The following RBM19 variants were observed in gnomAD, a reference collection of about 807,000 sequenced individuals.
RBM19 encodes the protein probable RNA-binding protein 19.
In RBM19, 94 loss-of-function variants were observed where a neutral mutation model predicts 116.8. The observed-to-expected ratio is 0.80, with a 90% confidence interval of 0.68 to 0.95. The LOEUF is 0.95. RBM19 is among the 40% of genes least tolerant of loss of function. The probability of loss-of-function intolerance (pLI) is 0.00; values close to 1 mark genes in which losing one functional copy is unlikely to be tolerated. For missense variants in RBM19, 1,161 were observed against 1,220.7 expected, an observed-to-expected ratio of 0.95 and a Z score of 0.73; for synonymous variants, 475 against 494.1, an observed-to-expected ratio of 0.96 and a Z score of 0.51.
downstream of RBM19, among the ~76,000 whole-genome samples, chr12:113,820,370 C>T (rs112734591): frequency 3.9e-5 from 6 of 151,952 alleles, no homozygotes; most frequent in Middle Eastern, 3.4e-3. Context: ...AAAGGCGCCA[C>T]GCAGGAAGAA....
intron 23 of RBM19, among the ~76,000 whole-genome samples, chr12:113,841,818 T>C (rs1384349721): frequency 1.3e-5 from 2 of 152,234 alleles, no homozygotes; most frequent in Non-Finnish European, 2.9e-5. Context: ...AGATCAAGTC[T>C]GAGCTCTGCC....
At chr12:113,962,982 GAGA>G (rs1872627559) in intron 1 of RBM19, among the ~76,000 whole-genome samples, 1 of 152,194 alleles carries the variant, frequency 6.6e-6, no homozygotes, top group Non-Finnish European at 1.5e-5. Context: ...GGGAAGATCA[GAGA>G]AGATGGAAAC....
intron 22 of RBM19, among the ~76,000 whole-genome samples, chr12:113,845,282 A>G (rs747090098): frequency 3.9e-5 from 6 of 152,030 alleles, no homozygotes; most frequent in Admixed American, 1.3e-4. Context: ...CTCTGCTGCC[A>G]GTGCCCTTCG....
chr12:113,902,633 T>C (rs975356500), intron 21 of RBM19, among the ~76,000 whole-genome samples: 1 of 149,796 alleles, frequency 6.7e-6, no homozygotes. Context: ...GTTATATAAA[T>C]GGAATCACAC....
At chr12:113,886,291 C>T (rs1459178545) in intron 21 of RBM19, among the ~76,000 whole-genome samples, 1 of 152,170 alleles carries the variant, frequency 6.6e-6, no homozygotes, top group Non-Finnish European at 1.5e-5. Flanking sequence ...CACCACCATG[C>T]CCGGCTAATT....
rs374981302 is a variant in RBM19 at position 113,823,208 on chromosome 12, C to T, written c.*16G>A. ...GTCCCCAGGGCCCCGGAGCCACACA[C>T]CCTCTCGGTGCCAGCTCACAGCTGA... On this transcript the variant is annotated 3_prime_UTR_variant, in exon 24 of 24. Transcript: ENST00000261741. 5 of 1,605,694 alleles carry T rather than the reference C, an allele frequency of 3.1e-6. No individual in the cohort carries two copies. The African/African-American group carries it at 5.3e-5, about 17-fold the overall frequency.
At chr12:113,964,327 T>C (rs535943529) in intron 1 of RBM19, among the ~76,000 whole-genome samples, 8 of 152,328 alleles carry the variant, frequency 5.3e-5, no homozygotes, top group African/African-American at 1.7e-4. Flanking sequence ...AGGGATATGG[T>C]GAGGATTAAA....
chr12:113,943,889 T>G (rs1870784886), intron 13 of RBM19, among the ~76,000 whole-genome samples: 1 of 152,070 alleles, frequency 6.6e-6, no homozygotes, highest in South Asian at 2.1e-4. Context: ...ATTAATTTTG[T>G]CTGTTTCATT....
chr12:113,935,017 C>T (rs766404787), intron 16 of RBM19, among the ~76,000 whole-genome samples: 5 of 152,256 alleles, frequency 3.3e-5, no homozygotes, highest in African/African-American at 1.2e-4. Flanking sequence ...CCTGCCTTCA[C>T]GGCTCAAAGT....
At chr12:113,862,020 T>C (rs1490077332) in intron 21 of RBM19, among the ~76,000 whole-genome samples, 1 of 152,208 alleles carries the variant, frequency 6.6e-6, no homozygotes, top group Non-Finnish European at 1.5e-5. Flanking sequence ...GTTTCTTTCC[T>C]CCTTCTAAGA....
At chr12:113,928,817 A>C (rs1332954025) in intron 16 of RBM19, among the ~76,000 whole-genome samples, 1 of 152,014 alleles carries the variant, frequency 6.6e-6, no homozygotes, top group Non-Finnish European at 1.5e-5. Flanking sequence ...AAATGTGTTC[A>C]ATTCGTTTCA....
chr12:113,958,123 T>C (rs1872137781), intron 5 of RBM19, 73 bp from the exon 6 acceptor site: 3 of 1,536,222 alleles, frequency 2.0e-6, no homozygotes, highest in Admixed American at 2.0e-5. Flanking sequence ...AAATGGTAGA[T>C]GGTCCTCCTA....
At chr12:113,823,654 C>T (rs1250059561) in intron 23 of RBM19, among the ~76,000 whole-genome samples, 1 of 152,150 alleles carries the variant, frequency 6.6e-6, no homozygotes, top group Non-Finnish European at 1.5e-5. Flanking sequence ...CCCAGAAACT[C>T]TCCTGCTTCC....
rs752154085 is a variant in RBM19, at chr12:113,966,213, G to A, written c.15C>T (p.Ile5=). Residue 5 remains isoleucine (I), a synonymous_variant, in exon 1 of 24, where the codon ATC becomes ATT. Transcript: ENST00000261741. ...TCACCCCATTCGGGAGATTCTTCAC[G>A]ATCAGTCGCGACATGGCGCAGGGTC... MSRL[I]VKNLPNGMKE... is the part of the protein sequence containing the mutation. The A allele has an allele frequency of 6.2e-7, 1 of 1,614,242 alleles. No individual in the cohort carries two copies. Among genetic ancestry groups the A allele is most frequent in the South Asian group, 1.1e-5 (1 of 91,088 alleles).
chr12:113,904,702 C>T (rs185380312), intron 21 of RBM19, among the ~76,000 whole-genome samples: 75 of 152,290 alleles, frequency 4.9e-4, no homozygotes, highest in Admixed American at 3.1e-3. Context: ...GACACACGGC[C>T]AGATGGGTTG....
rs1874484081 is a variant in RBM19 at position 113,822,421 on chromosome 12, CCGTGAGCA to C, written c.*795_*802del. The C allele has an allele frequency of 6.6e-6, 1 of 152,232 alleles. No homozygotes were observed. Among genetic ancestry groups the C allele is most frequent in the Non-Finnish European group, 1.5e-5 (1 of 68,052 alleles). 9.4% of individuals were successfully genotyped at this position (152,232 alleles called of 1,614,324 possible). A position where few individuals can be genotyped will look rare whatever the true frequency, so the allele number is the denominator to read the frequency against. ...TGATGCATTTCACAGGGCTCTGGGC[CCGTGAGCA>C]GAACGCGTCCACCATGAGTGACATC... On this transcript the variant is annotated 3_prime_UTR_variant, in exon 24 of 24. Transcript: ENST00000261741.
At position 113,927,123 on chromosome 12, in the gene RBM19, C is replaced by CTCT; in HGVS notation, c.2172_2174dup (p.Glu725dup). The CTCT allele has an allele frequency of 1.2e-6, 2 of 1,613,274 alleles. No homozygotes were observed. The highest frequency in any genetic ancestry group is 1.3e-5 in the African/African-American group (1 of 75,056). ...TAAACAGAGTACATCCTGGGAGGCT[C>CTCT]TCTTCTTCTTCTTCCTCTTCCTCCT... is the stretch of plus-strand genomic sequence containing the variant. On this transcript the variant is annotated inframe_insertion, in exon 17 of 24. Coordinates refer to ENST00000261741, the MANE Select transcript of RBM19 (RefSeq NM_016196.4).
chr12:113,867,718 C>T (rs1056542718), intron 21 of RBM19, among the ~76,000 whole-genome samples: 1 of 152,258 alleles, frequency 6.6e-6, no homozygotes, highest in South Asian at 2.1e-4. Context: ...GTTAGGAGTA[C>T]TAGACTGCCC....
chr12:113,917,665 A>C (rs766449939), intron 20 of RBM19, among the ~76,000 whole-genome samples: 4 of 152,224 alleles, frequency 2.6e-5, no homozygotes, highest in Non-Finnish European at 5.9e-5. Flanking sequence ...AAAACTACCA[A>C]ATAAATATCT....
Sources: gnomAD v4.1 joint callset for allele counts (sites outside exome capture counted in the v4.1 genomes callset) on GRCh38, gnomAD v4.1.1 for gene constraint, MANE v1.5 for transcripts, NCBI Gene and HGNC (gene_info 2026-07-23, HGNC 2026-07-21) for gene names.